The following MBTPS1 variants were observed in gnomAD, a reference collection of about 807,000 sequenced individuals.
MBTPS1 encodes the protein membrane-bound transcription factor site-1 protease.
In MBTPS1, 94 loss-of-function variants were observed where a neutral mutation model predicts 127.8. The ratio of observed to expected loss-of-function variants is 0.74; its 90% CI spans 0.62 to 0.87. The LOEUF is 0.87. Ranked by LOEUF, MBTPS1 falls within the 40% of genes least tolerant of loss-of-function variation. MBTPS1 has a pLI of 0.00. For missense variants in MBTPS1, 1,636 were observed against 1,353.2 expected, an observed-to-expected ratio of 1.21 and a Z score of -3.28; for synonymous variants, 632 against 509.4, an observed-to-expected ratio of 1.24 and a Z score of -3.24.
chr16:84,080,962 A>G (rs1597326405), intron 11 of MBTPS1, among the ~76,000 whole-genome samples: 1 of 152,338 alleles, frequency 6.6e-6, no homozygotes, highest in East Asian at 1.9e-4. Context: ...ATGAAGGAAA[A>G]CGGAGGAACC....
chr16:84,087,266 A>C, intron 9 of MBTPS1, 92 bp downstream of exon 9: 1 of 967,680 alleles, frequency 1.0e-6, no homozygotes, highest in South Asian at 1.3e-5. Context: ...CTGTGCACTT[A>C]CAAATACACC....
intron 12 of MBTPS1, among the ~76,000 whole-genome samples, chr16:84,071,309 C>T (rs769213899): frequency 3.3e-5 from 5 of 152,172 alleles, no homozygotes. Context: ...GAAAGGGAAG[C>T]GTGAGCAGAG....
chr16:84,097,770 A>C lies in MBTPS1; in HGVS notation c.421+1283T>G, dbSNP rs1170167093. On this transcript the variant is annotated intron_variant, in intron 3 of 22. Transcript: ENST00000343411. ...ATACATAACATCTGGAGTAGCAGAA[A>C]AGGCTCTGAAAAAGTCAGACGCCTT... 3.3e-5 allele frequency among the ~76,000 whole-genome samples: 5 copies of C among 152,214 alleles called. No homozygotes were observed. In the East Asian group the frequency reaches 5.8e-4, roughly 18 times the overall value.
At chr16:84,061,843 G>A (rs1388252662) in intron 19 of MBTPS1, among the ~76,000 whole-genome samples, 2 of 152,168 alleles carry the variant, frequency 1.3e-5, no homozygotes, top group African/African-American at 4.8e-5. Context: ...GCCCCTTCAA[G>A]TTCCATTAAC....
intron 18 of MBTPS1, among the ~76,000 whole-genome samples, chr16:84,063,919 C>G (rs2085647557): frequency 6.6e-6 from 1 of 152,170 alleles, no homozygotes; most frequent in African/African-American, 2.4e-5. Flanking sequence ...AAAGCTAGGA[C>G]AAATGTAACT....
chr16:84,085,583 A>ACCCCCCCCCC (rs1321256999), intron 9 of MBTPS1, among the ~76,000 whole-genome samples: 1 of 82,546 alleles, frequency 1.2e-5, no homozygotes, highest in Non-Finnish European at 2.4e-5. Context: ...CCCCCCCCCA[A>ACCCCCCCCCC]AAAAAAAGAG....
chr16:84,095,580 T>G (rs778587155), intron 4 of MBTPS1, 22 bp downstream of exon 4: 2 of 1,610,614 alleles, frequency 1.2e-6, no homozygotes, highest in African/African-American at 1.3e-5. Flanking sequence ...CATAAGCACC[T>G]TCCCTGGGTA....
chr16:84,063,570 T>C (rs776951947), intron 18 of MBTPS1, 125 bp from the exon 19 acceptor site: 12 of 909,278 alleles, frequency 1.3e-5, no homozygotes, highest in South Asian at 3.7e-5. Context: ...ATTAAAACAT[T>C]GCAAATTTTT....
rs765183447 is a variant in MBTPS1, at chr16:84,093,775, C to T, written c.672G>A (p.Lys224=). The T allele has an allele frequency of 7.4e-6, 12 of 1,614,026 alleles. No individual in the cohort carries two copies. In the South Asian group the frequency reaches 1.3e-4, roughly 18 times the overall value. The change falls in exon 5 of 23, where the codon AAG becomes AAA. Residue 224 remains lysine (K), a synonymous_variant. Transcript: ENST00000343411. ...VAVFDTGLSE[K]HPHFKNVKER... ...CCTTCACATTTTTGAAGTGGGGATG[C>T]TTCTCGCTCAGCCCAGTGTCAAAAA... is the stretch of plus-strand genomic sequence containing the variant.
rs563999989 is a variant in MBTPS1, at chr16:84,096,283, GCTCAATATT to G, written c.422-487_422-479del. ...ACAGGACTTAAAACAACTGTATATT[GCTCAATATT>G]CTCAATATTCTTATCTGCTAGAATT... On this transcript the variant is annotated intron_variant, in intron 3 of 22. Coordinates refer to ENST00000343411, the MANE Select transcript of MBTPS1 (RefSeq NM_003791.4). Among the ~76,000 whole-genome samples the G allele has an allele frequency of 3.3e-5, 5 of 152,230 alleles. No homozygotes were observed. In the South Asian group the frequency reaches 6.2e-4, roughly 19 times the overall value.
At chr16:84,068,222 C>T in intron 15 of MBTPS1, 117 bp downstream of exon 15, 4 of 741,482 alleles carry the variant, frequency 5.4e-6, no homozygotes, top group Admixed American at 2.1e-5. Flanking sequence ...CTGTGGGGCC[C>T]ACGGCGCATA....
intron 1 of MBTPS1, among the ~76,000 whole-genome samples, chr16:84,113,123 G>T (rs920794258): frequency 6.6e-6 from 1 of 151,978 alleles, no homozygotes; most frequent in Non-Finnish European, 1.5e-5. Context: ...TCAAAGATCT[G>T]TCTACAGCTA....
At chr16:84,065,531 C>T (rs1022035510) in intron 18 of MBTPS1, among the ~76,000 whole-genome samples, 159 bp downstream of exon 18, 4 of 151,944 alleles carry the variant, frequency 2.6e-5, no homozygotes, top group African/African-American at 4.8e-5. Context: ...TAAAAACCAC[C>T]GAATTGTACA....
intron 18 of MBTPS1, 133 bp downstream of exon 18, chr16:84,065,556 CT>C (rs1217696585): frequency 1.3e-5 from 9 of 674,222 alleles, no homozygotes; most frequent in Non-Finnish European, 2.3e-5. Flanking sequence ...AAAAGGGCAA[CT>C]GTTATGGTAT....
intron 11 of MBTPS1, among the ~76,000 whole-genome samples, chr16:84,076,537 G>A (rs1315234181): frequency 3.3e-5 from 5 of 152,120 alleles, no homozygotes; most frequent in African/African-American, 9.7e-5. Flanking sequence ...AGTACACCTG[G>A]AAAACCCTAG....
chr16:84,104,792 C>A (rs765597319), intron 1 of MBTPS1, among the ~76,000 whole-genome samples: 1 of 152,012 alleles, frequency 6.6e-6, no homozygotes, highest in Non-Finnish European at 1.5e-5. Flanking sequence ...AAAGGCCAGG[C>A]GCGGTGGCTC....
intron 16 of MBTPS1, among the ~76,000 whole-genome samples, chr16:84,067,370 T>G (rs1335473215): frequency 2.0e-5 from 3 of 152,230 alleles, no homozygotes; most frequent in African/African-American, 7.2e-5. Flanking sequence ...ATTTTTTCTC[T>G]TTGAGATAGG....
chr16:84,108,194 C>T (rs1186119866), intron 1 of MBTPS1, among the ~76,000 whole-genome samples: 1 of 152,068 alleles, frequency 6.6e-6, no homozygotes, highest in African/African-American at 2.4e-5. Context: ...GAGAGGTAAG[C>T]AGACAAGCAG....
chr16:84,066,306 T>A (rs1402700310), intron 17 of MBTPS1, among the ~76,000 whole-genome samples, 183 bp downstream of exon 17: 1 of 152,122 alleles, frequency 6.6e-6, no homozygotes, highest in Non-Finnish European at 1.5e-5. Flanking sequence ...TATTTTCATT[T>A]AAAAAAAATC....
Sources: allele counts gnomAD v4.1 joint callset (sites outside exome capture counted in the v4.1 genomes callset), GRCh38; gene constraint gnomAD v4.1.1; transcripts MANE v1.5; gene names NCBI Gene and HGNC (gene_info 2026-07-23, HGNC 2026-07-21).